MTTP: variants seen among roughly 807,000 people sequenced by gnomAD.
The protein encoded by MTTP is microsomal triglyceride transfer protein.
MTTP carries 49 observed loss-of-function variants against 90.6 expected under a neutral mutation model. The observed-to-expected ratio is 0.54, with a 90% CI of 0.43 to 0.69. The LOEUF (loss-of-function observed/expected upper bound fraction) is 0.69. Among genes scored for constraint, MTTP ranks in the 30% least tolerant of loss-of-function variants. The probability of loss-of-function intolerance (pLI) is 0.00; values close to 1 mark genes in which losing one functional copy is unlikely to be tolerated. For missense variants in MTTP, 945 were observed against 1,067.5 expected, an observed-to-expected ratio of 0.89 and a Z score of 1.60; for synonymous variants, 347 against 384.2, an observed-to-expected ratio of 0.90 and a Z score of 1.13.
chr4:99,571,756 T>C (rs1003987915), upstream of MTTP, among the ~76,000 whole-genome samples: 1 of 151,962 alleles, frequency 6.6e-6, no homozygotes, highest in South Asian at 2.1e-4. Flanking sequence ...AAAAAAGTCA[T>C]CACATTAAGA....
At chr4:99,621,875 T>C (rs1205994141) in intron 17 of MTTP, among the ~76,000 whole-genome samples, 1 of 152,210 alleles carries the variant, frequency 6.6e-6, no homozygotes, top group Non-Finnish European at 1.5e-5. Flanking sequence ...CTAGAATGCC[T>C]TGAGTCTAGG....
chr4:99,609,077 G>A (rs1725891479), intron 12 of MTTP, 100 bp downstream of exon 12: 2 of 1,195,912 alleles, frequency 1.7e-6, no homozygotes, highest in Non-Finnish European at 2.5e-6. Flanking sequence ...ATTATGCAGG[G>A]TTACGTTGCA....
intron 7 of MTTP, chr4:99,595,489 C>A (rs1725532093): frequency 6.3e-6 from 1 of 157,790 alleles, no homozygotes. Context: ...AGAGAAATGA[C>A]TTACCACCCA....
Position 99,611,313 on chromosome 4 carries a change from AGTTATT to A in MTTP, c.1868-16_1868-11del, listed in dbSNP as rs1560624647. ...ATTGCTGGAACTGCTATTAAATTAC[AGTTATT>A]GTGTGTCATCAGGTAGTCCCCGTTC... On this transcript the variant is annotated splice_polypyrimidine_tract_variant and intron_variant, in intron 13 of 17. Transcript: ENST00000265517. The A allele has an allele frequency of 2.5e-6, 4 of 1,613,850 alleles. No individual in the cohort carries two copies. The highest frequency in any genetic ancestry group is 3.4e-6 in the Non-Finnish European group (4 of 1,179,954).
rs543779814 is a variant in MTTP, at chr4:99,600,632, T to A, written c.1135T>A (p.Leu379Met). 6.2e-7 allele frequency: 1 copy of A among 1,613,854 alleles called. No individual in the cohort carries two copies. The highest frequency in any genetic ancestry group is 2.2e-5 in the East Asian group (1 of 44,850). ...CTCATTAGAAGCCATTTTGGACTTT[T>A]TGGATTTCAAAAGTGACAGCAGCAT... is the stretch of plus-strand genomic sequence containing the variant. ...SDSLEAILDF[L>M]DFKSDSSIIL... Residue 379 changes from leucine to methionine, a missense_variant, in exon 9 of 18, where the codon TTG (leucine) becomes ATG (methionine). Coordinates refer to ENST00000265517, the MANE Select transcript of MTTP (RefSeq NM_001386140.1).
chr4:99,583,844 A>G (rs888654821), intron 3 of MTTP: 2 of 480,144 alleles, frequency 4.2e-6, no homozygotes, highest in South Asian at 2.8e-5. Context: ...TAACAAAGCA[A>G]GTCATCAAAG....
chr4:99,589,999 A>G (rs1442941775), intron 4 of MTTP, among the ~76,000 whole-genome samples: 2 of 152,220 alleles, frequency 1.3e-5, no homozygotes, highest in African/African-American at 4.8e-5. Context: ...TGGTTCCCAG[A>G]TATCACTGTG....
chr4:99,609,078 T>A, intron 12 of MTTP, 101 bp downstream of exon 12: 1 of 1,180,126 alleles, frequency 8.5e-7, no homozygotes, highest in Non-Finnish European at 1.3e-6. Flanking sequence ...TTATGCAGGG[T>A]TACGTTGCAT....
upstream of MTTP, among the ~76,000 whole-genome samples, chr4:99,570,282 A>G (rs1724812616): frequency 6.6e-6 from 1 of 152,046 alleles, no homozygotes; most frequent in African/African-American, 2.4e-5. Context: ...GAATATATAT[A>G]GAATACTTAA....
chr4:99,565,544 T>C (rs1482103465), intron 1 of MTTP, among the ~76,000 whole-genome samples: 3 of 152,242 alleles, frequency 2.0e-5, no homozygotes, highest in Non-Finnish European at 4.4e-5. Context: ...ATTTATTTAT[T>C]TGACACATGT....
At chr4:99,581,767 G>A (rs1388024862) in intron 1 of MTTP, 138 bp from the exon 2 acceptor site, 1 of 825,172 alleles carries the variant, frequency 1.2e-6, no homozygotes, top group East Asian at 2.6e-5. Context: ...GATTTCAGCA[G>A]ATGAAGTAGC....
At chr4:99,621,613 A>C (rs1164031998) in intron 17 of MTTP, among the ~76,000 whole-genome samples, 2 of 152,178 alleles carry the variant, frequency 1.3e-5, no homozygotes, top group Non-Finnish European at 2.9e-5. Flanking sequence ...CAAATAAAAC[A>C]CCTGGCAATC....
intron 12 of MTTP, among the ~76,000 whole-genome samples, chr4:99,610,138 T>C (rs1725915563): frequency 6.6e-6 from 1 of 152,132 alleles, no homozygotes; most frequent in Non-Finnish European, 1.5e-5. Flanking sequence ...TCCCAGCAGG[T>C]GGTATTCAGA....
intron 3 of MTTP, among the ~76,000 whole-genome samples, chr4:99,585,314 C>T (rs1041260158): frequency 6.6e-6 from 1 of 152,046 alleles, no homozygotes; most frequent in African/African-American, 2.4e-5. Context: ...GATGAGGAAC[C>T]AAAGTTAAGA....
In MTTP at chr4:99,594,742, A is replaced by G; in HGVS notation, c.768A>G (p.Leu256=). ...IKGKIVSKQK[L]ELKTTEAGPR... The stretch of plus-strand genomic sequence containing the variant: ...CTTTGGTATTATGCAGGCAGAAATT[A>G]GAGCTGAAGACAACCGAAGCAGGCC... The change falls in exon 7 of 18, where the codon TTA becomes TTG. Residue 256 remains leucine (L), a synonymous_variant. Transcript: ENST00000265517. The G allele has an allele frequency of 1.9e-6, 3 of 1,614,024 alleles. No individual in the cohort carries two copies. The highest frequency in any genetic ancestry group is 2.5e-6 in the Non-Finnish European group (3 of 1,179,884).
At chr4:99,596,407 G>T (rs902922181) in intron 7 of MTTP, among the ~76,000 whole-genome samples, 6 of 151,990 alleles carry the variant, frequency 3.9e-5, no homozygotes, top group South Asian at 2.1e-4. Flanking sequence ...AGTAATTGTG[G>T]TTTTTGCCAT....
At chr4:99,616,452 T>C (rs560508217) in intron 15 of MTTP, among the ~76,000 whole-genome samples, 23 of 152,316 alleles carry the variant, frequency 1.5e-4, no homozygotes, top group Admixed American at 2.6e-4. Context: ...GGAGTGTTTA[T>C]TCTGGCTTCA....
At chr4:99,574,523 T>G (rs905128964), upstream of MTTP, among the ~76,000 whole-genome samples, 2 of 152,188 alleles carry the variant, frequency 1.3e-5, no homozygotes, top group Admixed American at 1.3e-4. Context: ...ACAGGCATAA[T>G]GATGATTATG....
intron 1 of MTTP, 135 bp from the exon 2 acceptor site, chr4:99,581,770 G>A (rs1167903894): frequency 2.4e-6 from 2 of 840,378 alleles, no homozygotes; most frequent in African/African-American, 3.4e-5. Flanking sequence ...TTCAGCAGAT[G>A]AAGTAGCACC....
Sources: gnomAD v4.1 joint callset for allele counts (sites outside exome capture counted in the v4.1 genomes callset) on GRCh38, gnomAD v4.1.1 for gene constraint, MANE v1.5 for transcripts, NCBI Gene and HGNC (gene_info 2026-07-23, HGNC 2026-07-21) for gene names.